The following ARID3A variants were observed in gnomAD, a reference collection of about 807,000 sequenced individuals.
The protein encoded by ARID3A is AT-rich interaction domain 3A.
ARID3A carries 11 observed loss-of-function variants against 52.7 expected under a neutral mutation model. That is an observed-to-expected ratio of 0.21 (90% confidence interval 0.13 to 0.35). The LOEUF (loss-of-function observed/expected upper bound fraction) is 0.35, where lower values mean the gene tolerates loss of function less well. ARID3A is among the 10% of genes least tolerant of loss of function. The pLI, the probability that ARID3A is intolerant of heterozygous loss-of-function variation, is 1.00. For synonymous variants in ARID3A, 404 were observed against 359.4 expected (o/e 1.12, Z -1.40); for missense variants, 721 against 838.5 (o/e 0.86, Z 1.73).
chr19:963,334 A>G (rs758218), intron 4 of ARID3A, among the ~76,000 whole-genome samples: 103,541 of 152,174 alleles, frequency 0.68, 36,023 homozygotes, highest in Middle Eastern at 0.79. Flanking sequence ...GACCCCACGT[A>G]GGCAGAACAT....
At chr19:952,507 G>C (rs917956627) in intron 3 of ARID3A, among the ~76,000 whole-genome samples, 1 of 145,580 alleles carries the variant, frequency 6.9e-6, no homozygotes, top group African/African-American at 2.6e-5. Context: ...TCTCTGCCAA[G>C]TCTCGGGCCA....
intron 3 of ARID3A, among the ~76,000 whole-genome samples, 173 bp downstream of exon 3, chr19:932,915 G>A (rs1265265614): frequency 6.6e-6 from 1 of 152,214 alleles, no homozygotes; most frequent in Non-Finnish European, 1.5e-5. Context: ...GGCTCGACCA[G>A]CTGGCTGTTC....
intron 3 of ARID3A, among the ~76,000 whole-genome samples, chr19:934,328 T>C (rs1599385885): frequency 6.6e-6 from 1 of 150,426 alleles, no homozygotes; most frequent in Non-Finnish European, 1.5e-5. Flanking sequence ...GATGGGGGAG[T>C]TTTGGGGTGA....
chr19:959,254 G>A lies in ARID3A; in HGVS notation c.694-838G>A, dbSNP rs368931077. On this transcript the variant is annotated intron_variant, in intron 3 of 8. Transcript: ENST00000263620. The surrounding 1 kb of genome is among the most constrained non-coding windows in gnomAD (Gnocchi z 5.0). ...CTCCCTTGGAGACTTCGGAGGGAAC[G>A]CAACCCTGCAGACATCTTTTGTTTT... 4.9e-4 allele frequency among the ~76,000 whole-genome samples: 75 copies of A among 152,268 alleles called. 2 individuals are homozygous for A. The South Asian group carries it at 6.8e-3, about 14-fold the overall frequency.
chr19:932,390 CCT>C (rs2037350337), intron 2 of ARID3A, 26 bp from the exon 3 acceptor site: 3 of 1,589,738 alleles, frequency 1.9e-6, no homozygotes, highest in Non-Finnish European at 2.6e-6. Context: ...CACCTTCTCC[CCT>C]GACTCCTGCC....
chr19:930,732 A>G (rs1412600127), intron 2 of ARID3A, among the ~76,000 whole-genome samples: 3 of 150,596 alleles, frequency 2.0e-5, no homozygotes, highest in Admixed American at 6.6e-5. Context: ...GATGGTCTCG[A>G]TCTCCTGACC....
Position 944,111 on chromosome 19 carries a change from A to G in ARID3A, c.693+11369A>G, listed in dbSNP as rs1289669828. On this transcript the variant is annotated intron_variant, in intron 3 of 8. Coordinates refer to ENST00000263620, the MANE Select transcript of ARID3A (RefSeq NM_005224.3). This position sits in a 1 kb window ranked among gnomAD's most constrained non-coding sequence, Gnocchi z 5.9. ...TGGGCACCTACAGGGTACCTGCTGT[A>G]TGCCAGCCTGACCCTCTCATGGGCA... Among the ~76,000 whole-genome samples the G allele has an allele frequency of 2.0e-5, 3 of 151,226 alleles. No homozygotes were observed. Among genetic ancestry groups the G allele is most frequent in the African/African-American group, 4.9e-5 (2 of 40,986 alleles).
At chr19:953,653 G>A (rs1367827344) in intron 3 of ARID3A, among the ~76,000 whole-genome samples, 1 of 152,236 alleles carries the variant, frequency 6.6e-6, no homozygotes, top group Non-Finnish European at 1.5e-5. Flanking sequence ...GGCTGTGGAG[G>A]GGGCTCTGTC....
intron 8 of ARID3A, among the ~76,000 whole-genome samples, chr19:969,855 AT>A (rs560871270): frequency 6.7e-6 from 1 of 149,616 alleles, no homozygotes; most frequent in Admixed American, 6.7e-5. Context: ...CACCCAGCTA[AT>A]TTTTTTTTGT....
At position 973,104 on chromosome 19, in the gene ARID3A, A is replaced by ATTTTTTTTTTTTTTTTT. The variant is rs56404084; in HGVS notation, c.*1044_*1060dup. 6.3e-4 allele frequency: 34 copies of ATTTTTTTTTTTTTTTTT among 53,662 alleles called. 7 individuals are homozygous for ATTTTTTTTTTTTTTTTT. The highest frequency in any genetic ancestry group is 0.023 in the Middle Eastern group (1 of 44). The allele number at this position is 53,662 out of a possible 1,614,324, so 3.3% of individuals were successfully genotyped here. A position where few individuals can be genotyped will look rare whatever the true frequency, so the allele number is the denominator to read the frequency against. On this transcript the variant is annotated 3_prime_UTR_variant, in exon 9 of 9. Coordinates refer to ENST00000263620, the MANE Select transcript of ARID3A (RefSeq NM_005224.3). ...GGGCTCTCGAGTCAGGGGCCTGGAA[A>ATTTTTTTTTTTTTTTTT]TTTTTTTTTTTTTTTTTTTTTGAGA...
chr19:966,764 C>A lies in ARID3A; in HGVS notation c.1391C>A (p.Ala464Asp). 6.2e-7 allele frequency: 1 copy of A among 1,613,386 alleles called. No individual in the cohort carries two copies. The highest frequency in any genetic ancestry group is 8.5e-7 in the Non-Finnish European group (1 of 1,179,962). The part of the protein sequence containing the change: ...ESAEPPEKKM[A>D]LVADEQQRLM... Reference sequence around the variant, plus strand: ...GCAGAGCCTCCGGAGAAGAAGATGGCCCTGGTGGCCGATGAGCAGCAACGG... The same window carrying A: ...GCAGAGCCTCCGGAGAAGAAGATGGACCTGGTGGCCGATGAGCAGCAACGG... Residue 464 changes from alanine to aspartate, a missense_variant, in exon 7 of 9, where the codon GCC becomes GAC. Transcript: ENST00000263620.
intron 3 of ARID3A, among the ~76,000 whole-genome samples, chr19:956,283 C>T (rs749226384): frequency 1.3e-5 from 2 of 152,128 alleles, no homozygotes; most frequent in Non-Finnish European, 2.9e-5. Flanking sequence ...CCGCCCTGCC[C>T]GGCTCACTTT....
chr19:968,990 G>A (rs962171789), intron 8 of ARID3A, among the ~76,000 whole-genome samples: 4 of 152,042 alleles, frequency 2.6e-5, no homozygotes, highest in African/African-American at 9.7e-5. Context: ...AGCAAAGAAT[G>A]TATAAGCCCA....
intron 3 of ARID3A, among the ~76,000 whole-genome samples, chr19:945,800 C>T (rs530719688): frequency 4.9e-4 from 75 of 152,314 alleles, no homozygotes; most frequent in Non-Finnish European, 1.1e-3. Context: ...TGCCCGGCTC[C>T]TGCTGCTGGT....
In ARID3A at chr19:973,909, G is replaced by C; in HGVS notation, c.*1844G>C. 1 of 230,968 alleles carries C rather than the reference G, an allele frequency of 4.3e-6. No individual in the cohort carries two copies. Among genetic ancestry groups the C allele is most frequent in the Non-Finnish European group, 8.6e-6 (1 of 116,600 alleles). 14.3% of individuals were successfully genotyped at this position (230,968 alleles called of 1,614,324 possible). On this transcript the variant is annotated 3_prime_UTR_variant, in exon 9 of 9. Transcript: ENST00000263620. ...ATGCCCAGCAGGGTCTGGGGACTTC[G>C]TTGGACCCGCGTGGTGTTGGGCGGG...
At position 959,976 on chromosome 19, in the gene ARID3A, C is replaced by G; in HGVS notation, c.694-116C>G. The G allele has an allele frequency of 2.5e-6, 2 of 811,004 alleles. No individual in the cohort carries two copies. The highest frequency in any genetic ancestry group is 4.0e-5 in the South Asian group (2 of 50,274). 50.2% of individuals were successfully genotyped at this position (811,004 alleles called of 1,614,324 possible). The stretch of plus-strand genomic sequence containing the variant: ...CGGCTCTGGCAGCGGCTTGAGGGTC[C>G]TAGGGGTGGTGACCCCTGCTCCTGT... On this transcript the variant is annotated intron_variant, in intron 3 of 8. Coordinates refer to ENST00000263620, the MANE Select transcript of ARID3A (RefSeq NM_005224.3). The surrounding 1 kb of genome is among the most constrained non-coding windows in gnomAD (Gnocchi z 5.0).
chr19:953,482 C>CT (rs1203563429), intron 3 of ARID3A, among the ~76,000 whole-genome samples: 1 of 151,040 alleles, frequency 6.6e-6, no homozygotes, highest in Non-Finnish European at 1.5e-5. Flanking sequence ...CACACCCCCC[C>CT]CCGTGCAGAG....
rs546894977 is a variant in ARID3A, at chr19:954,409, C to A, written c.694-5683C>A. On this transcript the variant is annotated intron_variant, in intron 3 of 8. Transcript: ENST00000263620. The stretch of plus-strand genomic sequence containing the variant: ...GGAGGGGACCCCCTCAGGGAAAGAC[C>A]CCCAGGCCTGCCCTGTGGCCCCGCA... Among the ~76,000 whole-genome samples the A allele has an allele frequency of 6.0e-4, 91 of 152,348 alleles. 1 individual carries two copies. The highest frequency in any genetic ancestry group is 6.8e-4 in the Non-Finnish European group (46 of 68,030).
At chr19:932,918 G>A (rs1020367829) in intron 3 of ARID3A, among the ~76,000 whole-genome samples, 176 bp downstream of exon 3, 3 of 152,230 alleles carry the variant, frequency 2.0e-5, no homozygotes, top group African/African-American at 7.2e-5. Flanking sequence ...TCGACCAGCT[G>A]GCTGTTCATT....
Sources: gnomAD v4.1 joint callset for allele counts (sites outside exome capture counted in the v4.1 genomes callset) on GRCh38, gnomAD v4.1.1 for gene constraint, Gnocchi (gnomAD v3.1) non-coding constraint, MANE v1.5 for transcripts, NCBI Gene and HGNC (gene_info 2026-07-23, HGNC 2026-07-21) for gene names.